Variants in ELAC2 observed in about 807,000 individuals in gnomAD.
The protein encoded by ELAC2 is elaC ribonuclease Z 2.
A neutral mutation model predicts 105.2 loss-of-function variants in ELAC2; 92 were observed. The observed-to-expected ratio is 0.87, with a 90% CI of 0.74 to 1.04. ELAC2 has a LOEUF of 1.04. Among genes scored for constraint, ELAC2 ranks in the 50% least tolerant of loss-of-function variants. The probability of loss-of-function intolerance (pLI) is 0.00; values close to 1 mark genes in which losing one functional copy is unlikely to be tolerated. For missense variants in ELAC2, 1,099 were observed against 1,071.7 expected, an observed-to-expected ratio of 1.03 and a Z score of -0.36; for synonymous variants, 468 against 409.1, an observed-to-expected ratio of 1.14 and a Z score of -1.74.
intron 19 of ELAC2, among the ~76,000 whole-genome samples, chr17:12,995,472 CAA>C (rs1168788373): frequency 6.6e-6 from 1 of 152,262 alleles, no homozygotes; most frequent in Non-Finnish European, 1.5e-5. Flanking sequence ...GCTCAGAACT[CAA>C]ATGAGGACTG....
At position 13,006,708 on chromosome 17, in the gene ELAC2, T is replaced by C. The variant is rs550475551; in HGVS notation, c.739-729A>G. Among the ~76,000 whole-genome samples, 8 of 152,338 alleles carry C rather than the reference T, an allele frequency of 5.3e-5. No homozygotes were observed. The South Asian group carries it at 1.4e-3, about 28-fold the overall frequency. On this transcript the variant is annotated intron_variant, in intron 8 of 23. Transcript: ENST00000338034. ...CCAGCAAGCAAACTGCCATGTAACA[T>C]AATATTTCAATGACAGTGATAGGCT...
At position 12,994,804 on chromosome 17, in the gene ELAC2, A is replaced by G; in HGVS notation, c.1989T>C (p.Tyr663=). The G allele has an allele frequency of 1.2e-6, 2 of 1,614,032 alleles. No individual in the cohort carries two copies. The highest frequency in any genetic ancestry group is 1.7e-6 in the Non-Finnish European group (2 of 1,180,038). The change falls in exon 21 of 24, where the codon TAT becomes TAC. Residue 663 remains tyrosine, a synonymous_variant. Transcript: ENST00000338034. ...CCTCGCAGGGCATGGTGTCCCCGGA[A>G]TAGACCACTTTCCAGCCAGAGGTGT... is the stretch of plus-strand genomic sequence containing the variant. The part of the protein sequence containing the change: ...LVHTSGWKVV[Y]SGDTMPCEAL...
Position 12,995,808 on chromosome 17 carries a change from G to C in ELAC2, c.1703C>G (p.Ser568Cys), listed in dbSNP as rs571001907. The change falls in exon 19 of 24, where the codon TCT becomes TGT. Residue 568 changes from serine (S) to cysteine (C), a missense_variant. Coordinates refer to ENST00000338034, the MANE Select transcript of ELAC2 (RefSeq NM_018127.7). ...CAAAGGGTGAAGCGGCTTTCCCAAA[G>C]ATGCCTGGAACAAAAAATGCAAGTG... ...ILLQRERALA[S>C]LGKPLHPLLV... 6.2e-7 allele frequency: 1 copy of C among 1,609,752 alleles called. No homozygotes were observed. Among genetic ancestry groups the C allele is most frequent in the East Asian group, 2.2e-5 (1 of 44,702 alleles).
chr17:13,005,526 G>A (rs2041051049), intron 10 of ELAC2, among the ~76,000 whole-genome samples: 1 of 152,138 alleles, frequency 6.6e-6, no homozygotes, highest in Non-Finnish European at 1.5e-5. Flanking sequence ...TAAGGAGGAC[G>A]GTGACTAGAT....
In ELAC2 at chr17:12,999,667, T is replaced by TTC. The variant is rs889729109; in HGVS notation, c.1423+488_1423+489insGA. On this transcript the variant is annotated intron_variant, in intron 15 of 23. Transcript: ENST00000338034. Reference sequence around the variant, plus strand: ...TGGGATGGGGCACAGGAATTGGGATTTTTTTTTTTGAGACGGAGTCTCACT... The same window carrying TTC: ...TGGGATGGGGCACAGGAATTGGGATTTCTTTTTTTTTGAGACGGAGTCTCACT... 7.0e-4 allele frequency among the ~76,000 whole-genome samples: 105 copies of TTC among 149,598 alleles called. 1 individual carries two copies. Among genetic ancestry groups the TTC allele is most frequent in the Non-Finnish European group, 1.3e-3 (85 of 67,644 alleles).
At chr17:12,995,909 A>G in intron 18 of ELAC2, 31 bp downstream of exon 18, 2 of 1,588,556 alleles carry the variant, frequency 1.3e-6, no homozygotes, top group Non-Finnish European at 1.7e-6. Flanking sequence ...AACCGCTGAA[A>G]CTCAGAACGC....
In ELAC2 at chr17:13,010,605, T is replaced by C. The variant is rs2041364282; in HGVS notation, c.738+8A>G. 1.2e-6 allele frequency: 2 copies of C among 1,613,978 alleles called. No homozygotes were observed. Among genetic ancestry groups the C allele is most frequent in the Non-Finnish European group, 1.7e-6 (2 of 1,179,936 alleles). On this transcript the variant is annotated splice_region_variant and intron_variant, in intron 8 of 23. Coordinates refer to ENST00000338034, the MANE Select transcript of ELAC2 (RefSeq NM_018127.7). ...GTCATGTACAGCCCTCCGGAAAGTCTTCCTTACCTTACAGATGAAAGCTAC... is the reference window on the plus strand; with the variant it reads ...GTCATGTACAGCCCTCCGGAAAGTCCTCCTTACCTTACAGATGAAAGCTAC...
chr17:12,999,289 C>A (rs1341987688), intron 15 of ELAC2, among the ~76,000 whole-genome samples: 1 of 152,226 alleles, frequency 6.6e-6, no homozygotes, highest in African/African-American at 2.4e-5. Context: ...GCTCTCACTG[C>A]AAGACCATGC....
At chr17:13,010,504 T>C in intron 8 of ELAC2, 109 bp downstream of exon 8, 4 of 998,532 alleles carry the variant, frequency 4.0e-6, no homozygotes, top group Non-Finnish European at 4.7e-6. Flanking sequence ...CTATCTCTTC[T>C]TGTCTCAGGT....
intron 17 of ELAC2, 184 bp downstream of exon 17, chr17:12,996,363 G>A: frequency 1.2e-6 from 1 of 841,454 alleles, no homozygotes. Flanking sequence ...AACAGGAAGA[G>A]AAGACATTCT....
Position 13,017,815 on chromosome 17 carries a change from T to G in ELAC2, c.133A>C (p.Lys45Gln). The G allele has an allele frequency of 6.2e-7, 1 of 1,600,978 alleles. No homozygotes were observed. The highest frequency in any genetic ancestry group is 8.5e-7 in the Non-Finnish European group (1 of 1,174,962). ...DPLRHLRTREKRGPSGCSGGP... is the reference protein window; with the variant it reads ...DPLRHLRTREQRGPSGCSGGP... ...CCGGAGCACCCCGACGGTCCGCGCT[T>G]CTCTCGCGTGCGCAGGTGCCGCAGC... is the stretch of plus-strand genomic sequence containing the variant. The change falls in exon 1 of 24, where the codon AAG becomes CAG. Residue 45 changes from lysine (K) to glutamine (Q), a missense_variant. Lys to Gln is a moderately conservative substitution (Grantham distance 53). Transcript: ENST00000338034.
At chr17:13,017,209 G>T in intron 1 of ELAC2, 88 bp from the exon 2 acceptor site, 38 of 949,980 alleles carry the variant, frequency 4.0e-5, no homozygotes, top group Non-Finnish European at 5.3e-5. Flanking sequence ...GTAGACTCTG[G>T]AAAAAAAAAA....
intron 11 of ELAC2, chr17:13,004,074 A>C (rs369157820): frequency 5.4e-4 from 104 of 193,586 alleles, no homozygotes; most frequent in African/African-American, 2.2e-3. Flanking sequence ...CCACTTACTA[A>C]CATGCTGATG....
intron 4 of ELAC2, 38 bp from the exon 5 acceptor site, chr17:13,014,534 C>T (rs760156086): frequency 2.7e-6 from 4 of 1,474,208 alleles, no homozygotes; most frequent in Non-Finnish European, 3.8e-6. Context: ...TATGGTTGAA[C>T]AAATGTAGAA....
chr17:13,014,290 CAA>C (rs959230890), intron 5 of ELAC2, 147 bp downstream of exon 5: 19,389 of 351,796 alleles, frequency 0.055, no homozygotes, highest in East Asian at 0.096. Flanking sequence ...AGACTCTATC[CAA>C]AAAAAAAAAA....
intron 6 of ELAC2, among the ~76,000 whole-genome samples, chr17:13,012,163 T>C (rs886239817): frequency 6.6e-6 from 1 of 152,162 alleles, no homozygotes; most frequent in South Asian, 2.1e-4. Flanking sequence ...GGGAAAAAAA[T>C]TCGCTGCTCT....
chr17:13,009,406 A>C (rs1301112091), intron 8 of ELAC2, among the ~76,000 whole-genome samples: 2 of 152,254 alleles, frequency 1.3e-5, no homozygotes, highest in African/African-American at 2.4e-5. Flanking sequence ...ATAAAATTTT[A>C]ATGCAAAATT....
At chr17:12,995,216 A>T (rs1184796854) in intron 19 of ELAC2, among the ~76,000 whole-genome samples, 154 bp from the exon 20 acceptor site, 1 of 152,248 alleles carries the variant, frequency 6.6e-6, no homozygotes, top group African/African-American at 2.4e-5. Context: ...GCAGTCAAAT[A>T]TAAAGAGCCA....
chr17:13,017,411 G>A lies in ELAC2; in HGVS notation c.246-290C>T, dbSNP rs140257565. On this transcript the variant is annotated intron_variant, in intron 1 of 23. Coordinates refer to ENST00000338034, the MANE Select transcript of ELAC2 (RefSeq NM_018127.7). Reference sequence around the variant, plus strand: ...CCCACACGCTAACAACGACACACTGGCCTTGGGGTGCACGGAAGAGGGTGG... The same window carrying A: ...CCCACACGCTAACAACGACACACTGACCTTGGGGTGCACGGAAGAGGGTGG... 2.1e-4 allele frequency: 131 copies of A among 637,274 alleles called. 1 individual carries two copies. The Admixed American group carries it at 3.7e-3, about 18-fold the overall frequency. The allele number at this position is 637,274 out of a possible 1,614,324, so 39.5% of individuals were successfully genotyped here. A position where few individuals can be genotyped will look rare whatever the true frequency, so the allele number is the denominator to read the frequency against.
Sources: gnomAD v4.1 joint callset for allele counts (sites outside exome capture counted in the v4.1 genomes callset) on GRCh38, gnomAD v4.1.1 for gene constraint, MANE v1.5 for transcripts, NCBI Gene and HGNC (gene_info 2026-07-23, HGNC 2026-07-21) for gene names.